Variants in PITPNC1 observed in about 807,000 individuals in gnomAD.
PITPNC1 encodes the protein cytoplasmic phosphatidylinositol transfer protein 1.
In PITPNC1, 18 loss-of-function variants were observed where a neutral mutation model predicts 44.7. The observed-to-expected ratio is 0.40, with a 90% confidence interval of 0.28 to 0.60. The LOEUF (loss-of-function observed/expected upper bound fraction) is 0.60, where lower values mean the gene tolerates loss of function less well. Among genes scored for constraint, PITPNC1 ranks in the 20% least tolerant of loss-of-function variants. The pLI, the probability that PITPNC1 is intolerant of heterozygous loss-of-function variation, is 0.39. For missense variants in PITPNC1, 290 were observed against 418.4 expected (o/e 0.69, Z 2.68); for synonymous variants, 141 against 149.6 (o/e 0.94, Z 0.42).
At chr17:67,473,991 C>T (rs1043559729) in intron 1 of PITPNC1, among the ~76,000 whole-genome samples, 1 of 152,180 alleles carries the variant, frequency 6.6e-6, no homozygotes, top group Admixed American at 6.5e-5. Context: ...TCAGTGTGGA[C>T]TCACAAGTAC....
intron 1 of PITPNC1, among the ~76,000 whole-genome samples, chr17:67,512,910 A>G (rs553500668): frequency 1.3e-4 from 20 of 152,294 alleles, no homozygotes; most frequent in African/African-American, 3.6e-4. Flanking sequence ...ATCCGGAGTT[A>G]TCTAAGCTCC....
At chr17:67,582,771 C>T (rs914376656) in intron 5 of PITPNC1, among the ~76,000 whole-genome samples, 3 of 152,158 alleles carry the variant, frequency 2.0e-5, no homozygotes, top group Non-Finnish European at 2.9e-5. Context: ...GGCCTTCATT[C>T]GTGCTAGGGA....
chr17:67,609,288 CTTTTTTT>C (rs34987217), intron 5 of PITPNC1, among the ~76,000 whole-genome samples: 2 of 114,304 alleles, frequency 1.7e-5, no homozygotes, highest in African/African-American at 7.5e-5. Context: ...CTTCTTCTTC[CTTTTTTT>C]TTTTTTTTTT....
intron 1 of PITPNC1, 84 bp downstream of exon 1, chr17:67,378,286 GCGGCAGGAAACCCAGGTGGA>G: frequency 1.1e-6 from 1 of 920,792 alleles, no homozygotes; most frequent in Non-Finnish European, 1.5e-6. Context: ...CCCCGGGCGA[GCGGCAGGAAACCCAGGTGGA>G]CGTTACCCCG....
intron 6 of PITPNC1, among the ~76,000 whole-genome samples, chr17:67,648,744 G>T (rs2042178097): frequency 6.6e-6 from 1 of 152,160 alleles, no homozygotes; most frequent in South Asian, 2.1e-4. Context: ...TAGGCCCTAT[G>T]TGGAGATGAA....
At chr17:67,619,840 G>A (rs2041808354) in intron 5 of PITPNC1, among the ~76,000 whole-genome samples, 1 of 151,950 alleles carries the variant, frequency 6.6e-6, no homozygotes, top group Admixed American at 6.6e-5. Context: ...CTGCAGCGGT[G>A]TGCCACTCTT....
chr17:67,405,895 C>G (rs2038390645), intron 1 of PITPNC1, among the ~76,000 whole-genome samples: 1 of 152,150 alleles, frequency 6.6e-6, no homozygotes, highest in African/African-American at 2.4e-5. Flanking sequence ...GTGTGAGCCA[C>G]CATGCCTGGC....
At chr17:67,436,907 TG>T (rs1167484865) in intron 1 of PITPNC1, among the ~76,000 whole-genome samples, 5 of 127,570 alleles carry the variant, frequency 3.9e-5, no homozygotes, top group Non-Finnish European at 6.7e-5. Flanking sequence ...AAAATAGGGG[TG>T]TTTTTTTTTT....
chr17:67,455,724 G>T (rs1195916195), intron 1 of PITPNC1, among the ~76,000 whole-genome samples: 2 of 151,978 alleles, frequency 1.3e-5, no homozygotes, highest in Non-Finnish European at 2.9e-5. Flanking sequence ...TTACAGACGT[G>T]AGCCACCGCT....
intron 1 of PITPNC1, among the ~76,000 whole-genome samples, chr17:67,420,585 C>G (rs992416954): frequency 6.6e-6 from 1 of 152,042 alleles, no homozygotes; most frequent in Admixed American, 6.6e-5. Context: ...TCATCCACCA[C>G]CACGCCTGGC....
chr17:67,576,049 G>A (rs182232336), intron 4 of PITPNC1, among the ~76,000 whole-genome samples: 9 of 151,796 alleles, frequency 5.9e-5, no homozygotes, highest in Non-Finnish European at 1.3e-4. Flanking sequence ...GCTAATTCTT[G>A]TATTTTTAGT....
At chr17:67,499,841 A>T (rs899116820) in intron 1 of PITPNC1, among the ~76,000 whole-genome samples, 5 of 152,222 alleles carry the variant, frequency 3.3e-5, no homozygotes, top group African/African-American at 1.2e-4. Flanking sequence ...TTTGTGTAAG[A>T]ACATTCTATG....
At chr17:67,409,412 C>T (rs2038458553) in intron 1 of PITPNC1, among the ~76,000 whole-genome samples, 1 of 152,006 alleles carries the variant, frequency 6.6e-6, no homozygotes, top group Non-Finnish European at 1.5e-5. Context: ...ATATGGATAT[C>T]CATTTGTCCC....
In PITPNC1 at chr17:67,377,369, G is replaced by A. The variant is rs1437848093; in HGVS notation, c.-786G>A. 1.3e-5 allele frequency: 2 copies of A among 152,192 alleles called. No individual in the cohort carries two copies. The highest frequency in any genetic ancestry group is 2.9e-5 in the Non-Finnish European group (2 of 67,992). 9.4% of individuals were successfully genotyped at this position (152,192 alleles called of 1,614,324 possible). ...TGGCTGCAAACTCGCGGGCACGCAC[G>A]GCGCCCGGGGAGCCGAGGGACTCGG... On this transcript the variant is annotated 5_prime_UTR_variant, in exon 1 of 9. Transcript: ENST00000581322.
chr17:67,420,404 C>T (rs1308972043), intron 1 of PITPNC1, among the ~76,000 whole-genome samples: 1 of 145,480 alleles, frequency 6.9e-6, no homozygotes, highest in Admixed American at 7.0e-5. Context: ...TCCCTCCCTT[C>T]CTTCCTTCCT....
At chr17:67,381,468 CTT>C (rs1180701616) in intron 1 of PITPNC1, among the ~76,000 whole-genome samples, 14 of 135,596 alleles carry the variant, frequency 1.0e-4, no homozygotes, top group Admixed American at 3.0e-4. Flanking sequence ...GTTTCTCTCT[CTT>C]TTTTTTTTTT....
intron 1 of PITPNC1, among the ~76,000 whole-genome samples, chr17:67,398,436 A>G (rs998843853): frequency 6.6e-6 from 1 of 152,126 alleles, no homozygotes; most frequent in African/African-American, 2.4e-5. Context: ...TCAGGTGAAT[A>G]TGGCGGAGGA....
chr17:67,433,930 T>A (rs1429758677), intron 1 of PITPNC1, among the ~76,000 whole-genome samples: 2 of 151,624 alleles, frequency 1.3e-5, no homozygotes, highest in Middle Eastern at 3.4e-3. Flanking sequence ...ATAATAATAA[T>A]AAAGAGGAAT....
rs543798904 is a variant in PITPNC1 at position 67,547,290 on chromosome 17, G to A, written c.198-4967G>A. 2.0e-5 allele frequency among the ~76,000 whole-genome samples: 3 copies of A among 152,260 alleles called. No homozygotes were observed. The East Asian group carries it at 5.8e-4, about 29-fold the overall frequency. On this transcript the variant is annotated intron_variant, in intron 2 of 8. Transcript: ENST00000581322. Reference sequence around the variant, plus strand: ...AGCATTTCAGGAGGCCGAGATGGGAGGATTGCTTGAGCCCAGGAGTTTGAT... The same window carrying A: ...AGCATTTCAGGAGGCCGAGATGGGAAGATTGCTTGAGCCCAGGAGTTTGAT...
Sources: allele counts gnomAD v4.1 joint callset (sites outside exome capture counted in the v4.1 genomes callset), GRCh38; gene constraint gnomAD v4.1.1; transcripts MANE v1.5; gene names NCBI Gene and HGNC (gene_info 2026-07-23, HGNC 2026-07-21).